Variants in ATP13A4 observed in about 807,000 individuals in gnomAD.
ATP13A4 encodes ATPase 13A4, also known as probable cation-transporting ATPase 13A4.
A neutral mutation model predicts 142.5 loss-of-function variants in ATP13A4; 114 were observed. The ratio of observed to expected loss-of-function variants is 0.80; its 90% CI spans 0.69 to 0.93. The LOEUF (loss-of-function observed/expected upper bound fraction) is 0.93. Among genes scored for constraint, ATP13A4 ranks in the 40% least tolerant of loss-of-function variants. The probability of loss-of-function intolerance (pLI) is 0.00; values close to 1 mark genes in which losing one functional copy is unlikely to be tolerated. For synonymous variants in ATP13A4, 488 were observed against 514.8 expected (o/e 0.95, Z 0.70); for missense variants, 1,392 against 1,454.0 (o/e 0.96, Z 0.69).
intron 1 of ATP13A4, among the ~76,000 whole-genome samples, chr3:193,582,705 AAT>A (rs1553863186): frequency 2.1e-5 from 1 of 47,380 alleles, no homozygotes; most frequent in Non-Finnish European, 3.7e-5. Flanking sequence ...TAACATATAT[AAT>A]ATATATGTAT....
chr3:193,591,432 T>A (rs1175972282), intron 1 of ATP13A4, among the ~76,000 whole-genome samples: 1 of 152,278 alleles, frequency 6.6e-6, no homozygotes, highest in Non-Finnish European at 1.5e-5. Flanking sequence ...TTGCAGTTTA[T>A]TATACAACAG....
chr3:193,440,578 C>T lies in ATP13A4; in HGVS notation c.2499G>A (p.Val833=), dbSNP rs1716570001. 3 of 1,614,024 alleles carry T rather than the reference C, an allele frequency of 1.9e-6. No homozygotes were observed. Among genetic ancestry groups the T allele is most frequent in the Non-Finnish European group, 2.5e-6 (3 of 1,179,888 alleles). Residue 833 remains valine (V), a synonymous_variant, in exon 21 of 30, where the codon GTG becomes GTA. Coordinates refer to ENST00000342695, the MANE Select transcript of ATP13A4 (RefSeq NM_032279.4). ...CCTACTCCAGTTTCTGAAATTCTTCCACCAGACTGGACTTCTGCCCAGGAG... is the reference window on the plus strand; with the variant it reads ...CCTACTCCAGTTTCTGAAATTCTTCTACCAGACTGGACTTCTGCCCAGGAG... ...RMSPGQKSSL[V]EEFQKLDYFV... is the part of the protein sequence containing the mutation.
intron 14 of ATP13A4, chr3:193,458,467 T>C (rs768562131): frequency 6.4e-6 from 1 of 156,086 alleles, no homozygotes; most frequent in African/African-American, 2.4e-5. Flanking sequence ...ACATGAGAGA[T>C]AGCTTAATGG....
intron 20 of ATP13A4, 120 bp downstream of exon 20, chr3:193,441,346 T>C (rs1716629220): frequency 2.4e-6 from 3 of 1,242,666 alleles, no homozygotes; most frequent in African/African-American, 1.5e-5. Flanking sequence ...TCTCTTAAGA[T>C]ACAGAAAACT....
chr3:193,415,121 ATAGT>A (rs1419730584), intron 25 of ATP13A4, among the ~76,000 whole-genome samples: 2 of 152,220 alleles, frequency 1.3e-5, no homozygotes, highest in African/African-American at 4.8e-5. Flanking sequence ...AACTTTCGAC[ATAGT>A]TATTCTACTT....
At chr3:193,566,386 C>G (rs1724134677) in intron 2 of ATP13A4, among the ~76,000 whole-genome samples, 1 of 152,162 alleles carries the variant, frequency 6.6e-6, no homozygotes, top group African/African-American at 2.4e-5. Context: ...CAAGCAGCAG[C>G]TGGCCTGCCT....
At chr3:193,472,040 T>A (rs1462618669) in intron 8 of ATP13A4, among the ~76,000 whole-genome samples, 1 of 152,096 alleles carries the variant, frequency 6.6e-6, no homozygotes, top group Non-Finnish European at 1.5e-5. Flanking sequence ...GAAAAGGGTG[T>A]CTACATAGGA....
chr3:193,477,268 G>T (rs146992469), intron 8 of ATP13A4, among the ~76,000 whole-genome samples: 1,593 of 152,056 alleles, frequency 0.01, 16 homozygotes, highest in Middle Eastern at 0.024. Flanking sequence ...GCTATATGCT[G>T]AAATATTTTC....
At chr3:193,494,736 C>A (rs1047731793) in intron 3 of ATP13A4, among the ~76,000 whole-genome samples, 2 of 151,220 alleles carry the variant, frequency 1.3e-5, no homozygotes, top group Non-Finnish European at 3.0e-5. Context: ...AAACTAAATC[C>A]AAAATTAATA....
chr3:193,474,730 GAGAAAGAA>G (rs61168716), intron 8 of ATP13A4, among the ~76,000 whole-genome samples: 1 of 147,016 alleles, frequency 6.8e-6, no homozygotes, highest in South Asian at 2.2e-4. Flanking sequence ...GAGAAAGAAA[GAGAAAGAA>G]AGAAAGAAAG....
intron 2 of ATP13A4, among the ~76,000 whole-genome samples, chr3:193,570,238 A>C (rs938292942): frequency 6.6e-6 from 1 of 152,188 alleles, no homozygotes; most frequent in African/African-American, 2.4e-5. Flanking sequence ...GCTTGAGCCC[A>C]GGAGGTCGAG....
At chr3:193,522,406 T>C (rs530969532) in intron 1 of ATP13A4, among the ~76,000 whole-genome samples, 2 of 152,366 alleles carry the variant, frequency 1.3e-5, no homozygotes, top group South Asian at 4.1e-4. Context: ...CATCTGCTGC[T>C]TTAATTCTCA....
chr3:193,463,240 C>T (rs1272660968), intron 12 of ATP13A4, among the ~76,000 whole-genome samples: 1 of 151,986 alleles, frequency 6.6e-6, no homozygotes, highest in Non-Finnish European at 1.5e-5. Flanking sequence ...TTCCTCACAA[C>T]TTCAGAGGAT....
chr3:193,539,137 T>C (rs561782194), intron 1 of ATP13A4, among the ~76,000 whole-genome samples: 12 of 152,264 alleles, frequency 7.9e-5, no homozygotes, highest in African/African-American at 2.9e-4. Flanking sequence ...CCTCCCAAAT[T>C]GCTGGGATTA....
At chr3:193,541,055 C>T (rs1199549886) in intron 1 of ATP13A4, among the ~76,000 whole-genome samples, 4 of 152,090 alleles carry the variant, frequency 2.6e-5, no homozygotes, top group South Asian at 2.1e-4. Context: ...CGAGAGCATC[C>T]TGGCTAACAC....
intron 7 of ATP13A4, among the ~76,000 whole-genome samples, chr3:193,487,512 C>T (rs1719699405): frequency 6.6e-6 from 1 of 152,152 alleles, no homozygotes; most frequent in Non-Finnish European, 1.5e-5. Context: ...GACGAGGTCT[C>T]ACTATGTTGC....
chr3:193,513,254 A>G (rs1721231878), intron 2 of ATP13A4, among the ~76,000 whole-genome samples: 1 of 152,186 alleles, frequency 6.6e-6, no homozygotes, highest in African/African-American at 2.4e-5. Context: ...CACCTCTGTT[A>G]GATTTCTTTT....
chr3:193,566,374 T>C (rs1016302456), intron 2 of ATP13A4, among the ~76,000 whole-genome samples: 2 of 152,138 alleles, frequency 1.3e-5, no homozygotes, highest in African/African-American at 2.4e-5. Context: ...ATTTCATATG[T>C]CCAAGCAGCA....
At chr3:193,472,001 G>A (rs533514867) in intron 8 of ATP13A4, among the ~76,000 whole-genome samples, 100 of 152,256 alleles carry the variant, frequency 6.6e-4, no homozygotes, top group Middle Eastern at 3.4e-3. Context: ...GCAGTGGCCC[G>A]CTGTGGGATG....
Sources: allele counts gnomAD v4.1 joint callset (sites outside exome capture counted in the v4.1 genomes callset), GRCh38; gene constraint gnomAD v4.1.1; transcripts MANE v1.5; gene names NCBI Gene and HGNC (gene_info 2026-07-23, HGNC 2026-07-21).